The following HOOK3 variants were observed in gnomAD, a reference collection of about 807,000 sequenced individuals.
HOOK3 encodes the protein protein Hook homolog 3.
A neutral mutation model predicts 116.3 loss-of-function variants in HOOK3; 24 were observed. The ratio of observed to expected loss-of-function variants is 0.21; its 90% CI spans 0.15 to 0.29. The LOEUF (loss-of-function observed/expected upper bound fraction) is 0.29. Ranked by LOEUF, HOOK3 falls within the 10% of genes least tolerant of loss-of-function variation. The pLI is 1.00. For missense variants in HOOK3, 632 were observed against 830.2 expected, an observed-to-expected ratio of 0.76 and a Z score of 2.93; for synonymous variants, 275 against 283.0, an observed-to-expected ratio of 0.97 and a Z score of 0.28.
Position 43,027,625 on chromosome 8 carries a change from G to A in HOOK3, c.*9127G>A, listed in dbSNP as rs1249761064. The A allele has an allele frequency of 1.3e-5, 3 of 229,914 alleles. No homozygotes were observed. The highest frequency in any genetic ancestry group is 2.6e-5 in the Non-Finnish European group (3 of 113,216). 14.2% of individuals were successfully genotyped at this position (229,914 alleles called of 1,614,324 possible). A position where few individuals can be genotyped will look rare whatever the true frequency, so the allele number is the denominator to read the frequency against. On this transcript the variant is annotated 3_prime_UTR_variant, in exon 22 of 22. Transcript: ENST00000307602. ...ATTAAAAGTGAAACATAACACATAA[G>A]GACGAAATACAATGTTCTGAATATC...
chr8:42,955,011 C>T (rs1180057628), intron 6 of HOOK3, among the ~76,000 whole-genome samples: 2 of 152,164 alleles, frequency 1.3e-5, no homozygotes, highest in Non-Finnish European at 2.9e-5. Context: ...AGGCTGCTGG[C>T]TGGGGAAAAC....
In HOOK3 at chr8:42,901,262, A is replaced by C. The variant is rs1222923946; in HGVS notation, c.57+4074A>C. Among the ~76,000 whole-genome samples, 9 of 152,190 alleles carry C rather than the reference A, an allele frequency of 5.9e-5. 1 individual carries two copies. The highest frequency in any genetic ancestry group is 5.9e-4 in the Admixed American group (9 of 15,258). On this transcript the variant is annotated intron_variant, in intron 1 of 21. Transcript: ENST00000307602. ...TAATAGAGCTTCTTGGAATTAAAAG[A>C]AAGATTATAACCCTTCAGGTAGAGT... is the stretch of plus-strand genomic sequence containing the variant.
In HOOK3 at chr8:42,959,327, T is replaced by C; in HGVS notation, c.615+13T>C. The C allele has an allele frequency of 8.4e-6, 13 of 1,547,072 alleles. No individual in the cohort carries two copies. The highest frequency in any genetic ancestry group is 1.2e-5 in the Non-Finnish European group (13 of 1,119,420). ...ACTGGATATGCAGGTAAGAGATTTG[T>C]TCTGTGCACCACCTCTTTGAAACAT... On this transcript the variant is annotated intron_variant, in intron 8 of 21. Transcript: ENST00000307602.
At chr8:42,911,620 A>G (rs1426420387) in intron 2 of HOOK3, among the ~76,000 whole-genome samples, 1 of 152,218 alleles carries the variant, frequency 6.6e-6, no homozygotes, top group African/African-American at 2.4e-5. Context: ...GTAGTAATTC[A>G]GAAGGAAGAT....
chr8:42,951,919 G>A (rs189782025), intron 6 of HOOK3, among the ~76,000 whole-genome samples: 173 of 150,926 alleles, frequency 1.1e-3, no homozygotes, highest in Non-Finnish European at 1.9e-3. Flanking sequence ...CCAGCGTGGC[G>A]ACAGCGAGAC....
At chr8:42,945,150 A>G (rs1808202476) in intron 5 of HOOK3, among the ~76,000 whole-genome samples, 1 of 152,164 alleles carries the variant, frequency 6.6e-6, no homozygotes, top group Non-Finnish European at 1.5e-5. Context: ...GAGATTCATT[A>G]TAGTACCTAC....
intron 1 of HOOK3, among the ~76,000 whole-genome samples, chr8:42,903,519 T>C (rs1807238513): frequency 6.6e-6 from 1 of 150,700 alleles, no homozygotes. Context: ...TAATTTTTTG[T>C]ATTTTTAGTA....
In HOOK3 at chr8:42,943,293, A is replaced by T. The variant is rs201764558; in HGVS notation, c.268-20A>T. 2.5e-4 allele frequency: 359 copies of T among 1,424,828 alleles called. 2 individuals are homozygous for T. Among genetic ancestry groups the T allele is most frequent in the Middle Eastern group, 9.3e-4 (5 of 5,376 alleles). 88.3% of individuals were successfully genotyped at this position (1,424,828 alleles called of 1,614,324 possible). The stretch of plus-strand genomic sequence containing the variant: ...TCATATAAATGTAAATGCAATTATA[A>T]TCCTTTTATCTCCATTCAGATTTTA... On this transcript the variant is annotated intron_variant, in intron 4 of 21. Coordinates refer to ENST00000307602, the MANE Select transcript of HOOK3 (RefSeq NM_032410.4).
chr8:42,906,278 CT>C lies in HOOK3; in HGVS notation c.143+23del. The C allele has an allele frequency of 6.7e-7, 1 of 1,482,936 alleles. No homozygotes were observed. Among genetic ancestry groups the C allele is most frequent in the Non-Finnish European group, 9.4e-7 (1 of 1,068,892 alleles). The allele number at this position is 1,482,936 out of a possible 1,614,324, so 91.9% of individuals were successfully genotyped here. A position where few individuals can be genotyped will look rare whatever the true frequency, so the allele number is the denominator to read the frequency against. ...AAAGATGTAAGAATAAATTGCTTATCTTTATGTGTATTCTTATGCATGGATA... is the reference window on the plus strand; with the variant it reads ...AAAGATGTAAGAATAAATTGCTTATCTTATGTGTATTCTTATGCATGGATA... On this transcript the variant is annotated intron_variant, in intron 2 of 21. Transcript: ENST00000307602.
Position 43,022,933 on chromosome 8 carries a change from G to C in HOOK3, c.*4435G>C, listed in dbSNP as rs1809855813. 6.1e-6 allele frequency: 1 copy of C among 162,926 alleles called. No homozygotes were observed. The highest frequency in any genetic ancestry group is 2.4e-5 in the African/African-American group (1 of 41,828). 10.1% of individuals were successfully genotyped at this position (162,926 alleles called of 1,614,324 possible). On this transcript the variant is annotated 3_prime_UTR_variant, in exon 22 of 22. Coordinates refer to ENST00000307602, the MANE Select transcript of HOOK3 (RefSeq NM_032410.4). ...CAGAAACATCAGCCTGTGGCCAGGT[G>C]CGGTGGCTCACGCCTGTAATCCCAG...
At chr8:42,964,926 T>C (rs1375539863) in intron 9 of HOOK3, among the ~76,000 whole-genome samples, 2 of 152,170 alleles carry the variant, frequency 1.3e-5, no homozygotes, top group African/African-American at 4.8e-5. Flanking sequence ...TCACACAACA[T>C]GAAACTACTT....
intron 17 of HOOK3, among the ~76,000 whole-genome samples, chr8:43,005,645 G>A (rs555772260): frequency 6.6e-6 from 1 of 152,162 alleles, no homozygotes; most frequent in South Asian, 2.1e-4. Context: ...TGACTACTAA[G>A]TTTTGGGGAT....
chr8:42,999,539 T>C (rs1809340595), intron 16 of HOOK3, among the ~76,000 whole-genome samples: 2 of 152,238 alleles, frequency 1.3e-5, no homozygotes, highest in Non-Finnish European at 2.9e-5. Context: ...ACTTAAAGTG[T>C]TGCATCTCGG....
chr8:42,921,874 G>A (rs545541413), intron 2 of HOOK3, among the ~76,000 whole-genome samples: 13 of 151,928 alleles, frequency 8.6e-5, no homozygotes, highest in African/African-American at 3.1e-4. Context: ...AAAGAAAGAT[G>A]AAAGTCAGAG....
chr8:43,001,466 A>C (rs1809379724), intron 16 of HOOK3, among the ~76,000 whole-genome samples: 1 of 152,138 alleles, frequency 6.6e-6, no homozygotes, highest in Non-Finnish European at 1.5e-5. Context: ...ATAAGTGTTA[A>C]ATTATGAAAT....
intron 14 of HOOK3, among the ~76,000 whole-genome samples, chr8:42,984,333 A>G (rs1809008515): frequency 6.6e-6 from 1 of 150,608 alleles, no homozygotes; most frequent in Non-Finnish European, 1.5e-5. Flanking sequence ...GCGCCATTGC[A>G]CTCCAGTCTG....
At chr8:42,923,870 A>G (rs1350381385) in intron 2 of HOOK3, among the ~76,000 whole-genome samples, 1 of 152,250 alleles carries the variant, frequency 6.6e-6, no homozygotes, top group Non-Finnish European at 1.5e-5. Context: ...ATGTTATCCA[A>G]TGATATGATA....
chr8:43,018,548 G>T lies in HOOK3; in HGVS notation c.*50G>T. On this transcript the variant is annotated 3_prime_UTR_variant, in exon 22 of 22. Coordinates refer to ENST00000307602, the MANE Select transcript of HOOK3 (RefSeq NM_032410.4). Reference sequence around the variant, plus strand: ...ACACCTGCACCCACAACATACTTCTGTTACACACAAGAACATTTCAGGAAA... The same window carrying T: ...ACACCTGCACCCACAACATACTTCTTTTACACACAAGAACATTTCAGGAAA... The T allele has an allele frequency of 6.0e-6, 9 of 1,500,586 alleles. No homozygotes were observed. Among genetic ancestry groups the T allele is most frequent in the Non-Finnish European group, 8.0e-6 (9 of 1,122,002 alleles). 93.0% of individuals were successfully genotyped at this position (1,500,586 alleles called of 1,614,324 possible).
rs1275259997 is a variant in HOOK3 at position 42,928,078 on chromosome 8, G to A, written c.217-2044G>A. Among the ~76,000 whole-genome samples the A allele has an allele frequency of 2.0e-5, 3 of 152,252 alleles. No individual in the cohort carries two copies. The East Asian group carries it at 5.8e-4, about 29-fold the overall frequency. ...TGGGTGGATCATAGGTCAAGAGATC[G>A]AGACCATCCTGGCCAACATGGTGAA... On this transcript the variant is annotated intron_variant, in intron 3 of 21. Coordinates refer to ENST00000307602, the MANE Select transcript of HOOK3 (RefSeq NM_032410.4).
Sources: allele counts gnomAD v4.1 joint callset (sites outside exome capture counted in the v4.1 genomes callset), GRCh38; gene constraint gnomAD v4.1.1; transcripts MANE v1.5; gene names NCBI Gene and HGNC (gene_info 2026-07-23, HGNC 2026-07-21).